SLC44A3: variants seen among roughly 807,000 people sequenced by gnomAD.
The protein encoded by SLC44A3 is choline transporter-like protein 3.
SLC44A3 carries 74 observed loss-of-function variants against 75.4 expected under a neutral mutation model. That is an observed-to-expected ratio of 0.98 (90% CI 0.81 to 1.19). The LOEUF is 1.19. Among genes scored for constraint, SLC44A3 ranks in the 50% most tolerant of loss-of-function variants. The pLI is 0.00. For synonymous variants in SLC44A3, 310 were observed against 296.9 expected, an observed-to-expected ratio of 1.04 and a Z score of -0.45; for missense variants, 700 against 778.6, an observed-to-expected ratio of 0.90 and a Z score of 1.20.
intron 7 of SLC44A3, 64 bp from the exon 8 acceptor site, chr1:94,841,936 G>T (rs1197743584): frequency 6.5e-7 from 1 of 1,528,906 alleles, no homozygotes; most frequent in African/African-American, 1.4e-5. Flanking sequence ...GTGTGATTCT[G>T]TGTGCTGGGG....
chr1:94,882,636 C>T (rs1475441271), intron 12 of SLC44A3, among the ~76,000 whole-genome samples: 5 of 152,226 alleles, frequency 3.3e-5, no homozygotes, highest in South Asian at 2.1e-4. Flanking sequence ...CCTGCCTCTT[C>T]GTTAGGAATC....
chr1:94,845,547 G>A (rs1291163675), intron 9 of SLC44A3, 83 bp downstream of exon 9: 1 of 1,339,408 alleles, frequency 7.5e-7, no homozygotes, highest in Non-Finnish European at 1.0e-6. Flanking sequence ...GTTTCTGTAG[G>A]CACCTAACCC....
At chr1:94,884,324 G>A (rs1669326319) in intron 12 of SLC44A3, among the ~76,000 whole-genome samples, 1 of 152,198 alleles carries the variant, frequency 6.6e-6, no homozygotes, top group African/African-American at 2.4e-5. Context: ...CAGAGGCTGT[G>A]CACTGCCTCA....
chr1:94,844,513 T>C (rs1303488256), intron 8 of SLC44A3, among the ~76,000 whole-genome samples: 1 of 152,166 alleles, frequency 6.6e-6, no homozygotes, highest in Non-Finnish European at 1.5e-5. Flanking sequence ...AGAAAGATCA[T>C]GGAAGCCAAG....
At position 94,827,558 on chromosome 1, in the gene SLC44A3, C is replaced by A. The variant is rs34462882; in HGVS notation, c.330C>A (p.Leu110=). ...SCNLEVKGTQ[L]NRMALCVSNC... ...ACCTGGAAGTCAAAGGTACGCAGCT[C>A]AACCGCATGGCCCTCTGTGTATCCA... The change falls in exon 4 of 15, where the codon CTC becomes CTA. Residue 110 remains leucine, a synonymous_variant. Coordinates refer to ENST00000271227, the MANE Select transcript of SLC44A3 (RefSeq NM_001114106.3). The A allele has an allele frequency of 0.011, 18,112 of 1,614,192 alleles. 148 individuals carry two copies. Among genetic ancestry groups the A allele is most frequent in the South Asian group, 0.013 (1,209 of 91,082 alleles).
At position 94,846,016 on chromosome 1, in the gene SLC44A3, G is replaced by A. The variant is rs146188860; in HGVS notation, c.1072+552G>A. On this transcript the variant is annotated intron_variant, in intron 9 of 14. Coordinates refer to ENST00000271227, the MANE Select transcript of SLC44A3 (RefSeq NM_001114106.3). ...ACAAAAATTAGCTGGGCGTGGTGGC[G>A]TGCACCTGTAATCCCAGCTGCTGGG... is the stretch of plus-strand genomic sequence containing the variant. Among the ~76,000 whole-genome samples the A allele has an allele frequency of 1.4e-4, 21 of 152,062 alleles. No homozygotes were observed. The East Asian group carries it at 3.3e-3, about 24-fold the overall frequency.
chr1:94,849,013 C>G (rs960647094), intron 9 of SLC44A3, among the ~76,000 whole-genome samples: 1 of 152,084 alleles, frequency 6.6e-6, no homozygotes, highest in African/African-American at 2.4e-5. Flanking sequence ...AAGGAGCAAG[C>G]CCCAAGGCTG....
chr1:94,835,549 A>G (rs550397324), intron 5 of SLC44A3, among the ~76,000 whole-genome samples: 82 of 152,336 alleles, frequency 5.4e-4, no homozygotes, highest in Middle Eastern at 3.4e-3. Context: ...TTGTAACTCT[A>G]AAATTATTCA....
intron 14 of SLC44A3, 87 bp downstream of exon 14, chr1:94,892,604 A>C (rs879026050): frequency 2.9e-5 from 37 of 1,274,686 alleles, no homozygotes; most frequent in African/African-American, 1.5e-5. Flanking sequence ...AGAGGCTCAT[A>C]CCCAGCCTCT....
chr1:94,875,692 G>T (rs1668203356), intron 12 of SLC44A3, among the ~76,000 whole-genome samples: 1 of 152,152 alleles, frequency 6.6e-6, no homozygotes, highest in African/African-American at 2.4e-5. Flanking sequence ...GAAGTTTGGG[G>T]TCTCACCTTT....
chr1:94,884,123 A>G (rs904520629), intron 12 of SLC44A3, among the ~76,000 whole-genome samples: 1 of 152,158 alleles, frequency 6.6e-6, no homozygotes, highest in Non-Finnish European at 1.5e-5. Flanking sequence ...AAATAGCACG[A>G]CCCTGTTCGT....
chr1:94,851,788 T>C (rs698959), intron 9 of SLC44A3, among the ~76,000 whole-genome samples: 67,056 of 152,120 alleles, frequency 0.44, 15,645 homozygotes, highest in South Asian at 0.61. Flanking sequence ...GCCAGTTTGC[T>C]GGACAAGGCC....
chr1:94,835,274 A>T (rs924612035), intron 5 of SLC44A3, among the ~76,000 whole-genome samples: 27 of 152,222 alleles, frequency 1.8e-4, no homozygotes, highest in East Asian at 3.9e-4. Flanking sequence ...ACATAGCAAG[A>T]CTCTGTCTCT....
At chr1:94,829,725 C>T (rs1450198584) in intron 5 of SLC44A3, among the ~76,000 whole-genome samples, 1 of 152,142 alleles carries the variant, frequency 6.6e-6, no homozygotes, top group Admixed American at 6.5e-5. Context: ...AGTATGTTTA[C>T]AATGTAGGAG....
Position 94,820,945 on chromosome 1 carries a change from G to C in SLC44A3, c.28-4G>C, listed in dbSNP as rs1256683158. 6.5e-7 allele frequency: 1 copy of C among 1,548,014 alleles called. No individual in the cohort carries two copies. Among genetic ancestry groups the C allele is most frequent in the East Asian group, 2.4e-5 (1 of 40,910 alleles). ...TTTTTCTCAACTCTCCCTTTTTCTG[G>C]AAGGTTTCTGCAGAAGGAGCCCCTA... On this transcript the variant is annotated splice_polypyrimidine_tract_variant and splice_region_variant and intron_variant, in intron 1 of 14. Coordinates refer to ENST00000271227, the MANE Select transcript of SLC44A3 (RefSeq NM_001114106.3).
chr1:94,861,393 A>G (rs1417344443), intron 10 of SLC44A3, among the ~76,000 whole-genome samples: 1 of 152,218 alleles, frequency 6.6e-6, no homozygotes, highest in Non-Finnish European at 1.5e-5. Context: ...GAGTTCTCTA[A>G]TAACAACTAA....
intron 5 of SLC44A3, 62 bp downstream of exon 5, chr1:94,828,648 T>TA: frequency 7.0e-7 from 1 of 1,420,478 alleles, no homozygotes; most frequent in Non-Finnish European, 9.9e-7. Flanking sequence ...TTGGTGTGCA[T>TA]CTGTTACTCT....
intron 12 of SLC44A3, among the ~76,000 whole-genome samples, chr1:94,874,801 G>A (rs2101556274): frequency 6.6e-6 from 1 of 152,292 alleles, no homozygotes; most frequent in Non-Finnish European, 1.5e-5. Flanking sequence ...GAGAGCTTAA[G>A]TAGTAACCTG....
chr1:94,892,797 A>T (rs1202837338), intron 14 of SLC44A3, among the ~76,000 whole-genome samples: 1 of 152,212 alleles, frequency 6.6e-6, no homozygotes, highest in Non-Finnish European at 1.5e-5. Flanking sequence ...CCTGGGCAGA[A>T]GATGTCCTGA....
Sources: gnomAD v4.1 joint callset for allele counts (sites outside exome capture counted in the v4.1 genomes callset) on GRCh38, gnomAD v4.1.1 for gene constraint, MANE v1.5 for transcripts, NCBI Gene and HGNC (gene_info 2026-07-23, HGNC 2026-07-21) for gene names.